NAA16: variants seen among roughly 807,000 people sequenced by gnomAD.
NAA16 encodes NARG1-like protein.
In NAA16, 97 loss-of-function variants were observed where a neutral mutation model predicts 110.3. That is an observed-to-expected ratio of 0.88 (90% CI 0.75 to 1.04). NAA16 has a LOEUF of 1.04. NAA16 is among the 50% of genes least tolerant of loss of function. The pLI is 0.00. For missense variants in NAA16, 1,017 were observed against 1,005.1 expected (o/e 1.01, Z -0.16); for synonymous variants, 372 against 330.6 (o/e 1.13, Z -1.36).
rs183722567 is a variant in NAA16 at position 41,340,831 on chromosome 13, C to T, written c.1014+4075C>T. Among the ~76,000 whole-genome samples the T allele has an allele frequency of 2.0e-4, 30 of 151,974 alleles. No individual in the cohort carries two copies. In the East Asian group the frequency reaches 4.3e-3, roughly 22 times the overall value. On this transcript the variant is annotated intron_variant, in intron 9 of 19. Transcript: ENST00000379406. ...AGCCGGGACTGCAGGCGCCTGCCACCGTGCCCGGCTAATTTTTTTTGTATT... is the reference window on the plus strand; with the variant it reads ...AGCCGGGACTGCAGGCGCCTGCCACTGTGCCCGGCTAATTTTTTTTGTATT...
At chr13:41,367,037 G>C (rs2043220987) in intron 13 of NAA16, among the ~76,000 whole-genome samples, 1 of 152,146 alleles carries the variant, frequency 6.6e-6, no homozygotes, top group Admixed American at 6.6e-5. Flanking sequence ...TAAATATTTA[G>C]TGTGAACCTA....
intron 8 of NAA16, among the ~76,000 whole-genome samples, chr13:41,334,730 C>T (rs1219324540): frequency 2.6e-5 from 4 of 152,172 alleles, no homozygotes; most frequent in Non-Finnish European, 4.4e-5. Context: ...GATGTATTCA[C>T]ACAGTTGCAA....
intron 8 of NAA16, among the ~76,000 whole-genome samples, chr13:41,332,625 T>G (rs182688842): frequency 1.3e-5 from 2 of 152,324 alleles, no homozygotes; most frequent in Admixed American, 1.3e-4. Flanking sequence ...ATATTGGGAC[T>G]TCTGGTATTT....
intron 7 of NAA16, among the ~76,000 whole-genome samples, chr13:41,329,718 TTAAAG>T (rs2042184929): frequency 6.6e-6 from 1 of 151,958 alleles, no homozygotes; most frequent in African/African-American, 2.4e-5. Context: ...ACAATATTGA[TTAAAG>T]TAATAATCTG....
At chr13:41,338,182 C>G (rs1261527506) in intron 9 of NAA16, among the ~76,000 whole-genome samples, 1 of 151,956 alleles carries the variant, frequency 6.6e-6, no homozygotes, top group Non-Finnish European at 1.5e-5. Context: ...AGATGAAATG[C>G]CAGAAATAAA....
rs533022807 is a variant in NAA16, at chr13:41,340,142, G to A, written c.1014+3386G>A. Among the ~76,000 whole-genome samples the A allele has an allele frequency of 2.0e-5, 3 of 151,880 alleles. 1 individual carries two copies. In the South Asian group the frequency reaches 6.3e-4, roughly 32 times the overall value. Reference sequence around the variant, plus strand: ...TTGTTTCTTATTATCCATTATATAGGTGTCCTGTCCATAACAGATAACTTG... The same window carrying A: ...TTGTTTCTTATTATCCATTATATAGATGTCCTGTCCATAACAGATAACTTG... On this transcript the variant is annotated intron_variant, in intron 9 of 19. Coordinates refer to ENST00000379406, the MANE Select transcript of NAA16 (RefSeq NM_024561.5).
chr13:41,315,321 G>A (rs905078240), intron 1 of NAA16, among the ~76,000 whole-genome samples: 2 of 152,204 alleles, frequency 1.3e-5, no homozygotes, highest in Non-Finnish European at 2.9e-5. Flanking sequence ...TTAACACCCA[G>A]TGTGACTGAA....
At position 41,323,191 on chromosome 13, in the gene NAA16, G is replaced by A. The variant is rs1246945865; in HGVS notation, c.537+1G>A. ...GGAAGAATTTAGACAAACTCAGCAA[G>A]TAAGAATTTTAATGTTTCCTTCTAC... is the stretch of plus-strand genomic sequence containing the variant. On this transcript the variant is annotated splice_donor_variant, in intron 5 of 19. Transcript: ENST00000379406. LOFTEE classifies it high-confidence loss of function. The A allele has an allele frequency of 2.5e-6, 4 of 1,613,190 alleles. No homozygotes were observed. The highest frequency in any genetic ancestry group is 3.4e-6 in the Non-Finnish European group (4 of 1,179,702).
chr13:41,348,378 A>G (rs188774101), intron 9 of NAA16, among the ~76,000 whole-genome samples: 1 of 152,134 alleles, frequency 6.6e-6, no homozygotes, highest in African/African-American at 2.4e-5. Context: ...TATGTTGCAC[A>G]GGCTGGTCTT....
At chr13:41,337,348 C>G (rs2042407180) in intron 9 of NAA16, among the ~76,000 whole-genome samples, 1 of 152,000 alleles carries the variant, frequency 6.6e-6, no homozygotes, top group South Asian at 2.1e-4. Context: ...TTGAGACTAT[C>G]CTGGCGAACA....
intron 16 of NAA16, 191 bp downstream of exon 16, chr13:41,372,502 T>G (rs76778424): frequency 1.0e-6 from 1 of 985,248 alleles, no homozygotes; most frequent in African/African-American, 1.7e-5. Context: ...AGTGTAAGAA[T>G]AGTTTGAACA....
intron 13 of NAA16, among the ~76,000 whole-genome samples, chr13:41,363,950 G>T (rs117902491): frequency 2.6e-5 from 4 of 152,166 alleles, no homozygotes; most frequent in Non-Finnish European, 5.9e-5. Flanking sequence ...TACATGTGTG[G>T]TTATATGTAG....
chr13:41,369,206 CAAAAG>C lies in NAA16; in HGVS notation c.1875_1879del (p.Lys627ArgfsTer2). On this transcript the variant is annotated frameshift_variant, in exon 15 of 20. Transcript: ENST00000379406. LOFTEE classifies it high-confidence loss of function. The stretch of plus-strand genomic sequence containing the variant: ...AGAAAGAGAACGTCAACAGAAAAAT[CAAAAG>C]AAAAAAAGAGATGAAGAAGAAGAAG... The C allele has an allele frequency of 6.3e-7, 1 of 1,593,810 alleles. No individual in the cohort carries two copies.
In NAA16 at chr13:41,311,506, A is replaced by G. The variant is rs970327348; in HGVS notation, c.-23A>G. 3 of 1,587,488 alleles carry G rather than the reference A, an allele frequency of 1.9e-6. No individual in the cohort carries two copies. In the African/African-American group the frequency reaches 4.0e-5, roughly 21 times the overall value. On this transcript the variant is annotated 5_prime_UTR_variant, in exon 1 of 20. Coordinates refer to ENST00000379406, the MANE Select transcript of NAA16 (RefSeq NM_024561.5). ...CGGGCACCTAGCCTCCCTGCCGGCC[A>G]CCTAGCCTCCCTGCCGGCCACGATG...
At chr13:41,370,570 A>T (rs2043296676) in intron 15 of NAA16, among the ~76,000 whole-genome samples, 1 of 152,184 alleles carries the variant, frequency 6.6e-6, no homozygotes, top group African/African-American at 2.4e-5. Flanking sequence ...TACAACAAGA[A>T]GGCTTGGACA....
chr13:41,339,123 G>GTTT (rs2042460820), intron 9 of NAA16, among the ~76,000 whole-genome samples: 1 of 147,652 alleles, frequency 6.8e-6, no homozygotes, highest in African/African-American at 2.5e-5. Flanking sequence ...TCTTGTTTTT[G>GTTT]TTGTTGTTGT....
chr13:41,362,359 GTCT>G (rs1251196740), intron 13 of NAA16, 200 bp downstream of exon 13: 56 of 512,998 alleles, frequency 1.1e-4, no homozygotes, highest in African/African-American at 1.0e-3. Flanking sequence ...CTTTTGACAT[GTCT>G]ATATATTTTT....
At chr13:41,321,636 G>T (rs2041948914) in intron 4 of NAA16, among the ~76,000 whole-genome samples, 1 of 152,210 alleles carries the variant, frequency 6.6e-6, no homozygotes. Flanking sequence ...TTAAAAACGT[G>T]AGAAGGGTTG....
chr13:41,340,232 G>A (rs979417937), intron 9 of NAA16, among the ~76,000 whole-genome samples: 3 of 152,224 alleles, frequency 2.0e-5, no homozygotes, highest in Middle Eastern at 3.4e-3. Flanking sequence ...CAGTCTTTGA[G>A]TGAGGCTTTG....
Sources: allele counts gnomAD v4.1 joint callset (sites outside exome capture counted in the v4.1 genomes callset), GRCh38; gene constraint gnomAD v4.1.1; transcripts MANE v1.5; gene names NCBI Gene and HGNC (gene_info 2026-07-23, HGNC 2026-07-21).